CD226: variants seen among roughly 807,000 people sequenced by gnomAD.
The protein encoded by CD226 is CD226 molecule.
In CD226, 24 loss-of-function variants were observed where a neutral mutation model predicts 34.9. That is an observed-to-expected ratio of 0.69 (90% CI 0.50 to 0.97). CD226 has a LOEUF of 0.97. CD226 is among the 50% of genes least tolerant of loss of function. The probability of loss-of-function intolerance (pLI) is 0.00; values close to 1 mark genes in which losing one functional copy is unlikely to be tolerated. For missense variants in CD226, 397 were observed against 412.7 expected (o/e 0.96, Z 0.33); for synonymous variants, 148 against 147.4 (o/e 1.00, Z -0.03).
Position 69,947,152 on chromosome 18 carries a change from G to T in CD226, c.47-83C>A, listed in dbSNP as rs2055804123. 3 of 1,175,500 alleles carry T rather than the reference G, an allele frequency of 2.6e-6. No homozygotes were observed. The Admixed American group carries it at 5.9e-5, about 23-fold the overall frequency. 72.8% of individuals were successfully genotyped at this position (1,175,500 alleles called of 1,614,324 possible). On this transcript the variant is annotated intron_variant, in intron 1 of 5. Transcript: ENST00000582621. Reference sequence around the variant, plus strand: ...TATCTTAAGCTTTTGAAGACCTAGTGCATTGAGATCACAGTAAAGGCTGAC... The same window carrying T: ...TATCTTAAGCTTTTGAAGACCTAGTTCATTGAGATCACAGTAAAGGCTGAC...
chr18:69,896,428 A>T (rs535368107), intron 2 of CD226, among the ~76,000 whole-genome samples: 10 of 152,050 alleles, frequency 6.6e-5, no homozygotes, highest in African/African-American at 2.4e-5. Flanking sequence ...TGATCCGCCC[A>T]CCTCGGCCTC....
chr18:69,869,807 T>C (rs1983392907), intron 4 of CD226, among the ~76,000 whole-genome samples: 1 of 145,754 alleles, frequency 6.9e-6, no homozygotes, highest in Non-Finnish European at 1.5e-5. Flanking sequence ...TTCTTTTTTT[T>C]TTTTTTTTTT....
chr18:69,949,878 ACT>A (rs911848857), upstream of CD226, among the ~76,000 whole-genome samples: 6 of 151,722 alleles, frequency 4.0e-5, no homozygotes, highest in Non-Finnish European at 7.4e-5. Context: ...ACATATGCAC[ACT>A]GTCTCACTCT....
intron 1 of CD226, among the ~76,000 whole-genome samples, chr18:69,956,321 A>G (rs529096052): frequency 6.6e-6 from 1 of 152,230 alleles, no homozygotes; most frequent in Non-Finnish European, 1.5e-5. Flanking sequence ...GGCCCTTTAC[A>G]GAAAAAGTTT....
chr18:69,912,203 G>T (rs2055334488), intron 2 of CD226, among the ~76,000 whole-genome samples: 1 of 152,160 alleles, frequency 6.6e-6, no homozygotes, highest in African/African-American at 2.4e-5. Context: ...AACCCTAGAA[G>T]AAAACCTAGG....
intron 5 of CD226, among the ~76,000 whole-genome samples, chr18:69,866,050 G>T (rs540477525): frequency 6.6e-6 from 1 of 152,278 alleles, no homozygotes; most frequent in East Asian, 1.9e-4. Flanking sequence ...GGGCCTGCGG[G>T]CCTGTTTCTT....
intron 3 of CD226, among the ~76,000 whole-genome samples, chr18:69,879,390 A>G (rs1250739708): frequency 2.0e-5 from 3 of 151,994 alleles, no homozygotes; most frequent in African/African-American, 4.8e-5. Flanking sequence ...TCCTCCCCCC[A>G]GGAAAGCATT....
chr18:69,870,599 C>T (rs187033107), intron 4 of CD226, among the ~76,000 whole-genome samples: 95 of 152,218 alleles, frequency 6.2e-4, no homozygotes, highest in Admixed American at 1.6e-3. Flanking sequence ...TTCACACTTG[C>T]CAATGTGAGG....
intron 2 of CD226, among the ~76,000 whole-genome samples, chr18:69,907,083 T>C (rs937509387): frequency 8.5e-5 from 13 of 152,138 alleles, no homozygotes; most frequent in Admixed American, 7.9e-4. Flanking sequence ...TTCCCTAGAC[T>C]TCGCTGGATC....
intron 3 of CD226, among the ~76,000 whole-genome samples, chr18:69,888,205 A>C (rs1257025125): frequency 6.6e-6 from 1 of 152,206 alleles, no homozygotes. Context: ...GTAATTTTCT[A>C]CTTGCTTTTG....
At chr18:69,874,206 T>C (rs1236825076) in intron 3 of CD226, among the ~76,000 whole-genome samples, 1 of 152,212 alleles carries the variant, frequency 6.6e-6, no homozygotes. Context: ...CATCACAGAA[T>C]TGTGATGAGA....
At chr18:69,914,382 T>A (rs1214150938) in intron 2 of CD226, among the ~76,000 whole-genome samples, 1 of 152,204 alleles carries the variant, frequency 6.6e-6, no homozygotes, top group Non-Finnish European at 1.5e-5. Context: ...ACACCATATA[T>A]CAATTATTCC....
chr18:69,954,727 T>C (rs908084203), intron 1 of CD226, among the ~76,000 whole-genome samples: 1 of 151,866 alleles, frequency 6.6e-6, no homozygotes, highest in Non-Finnish European at 1.5e-5. Flanking sequence ...TGAAGAGAAC[T>C]TGTGTATTTG....
chr18:69,867,428 A>G lies in CD226; in HGVS notation c.831-17T>C. ...CTTCTCCTTCTGGAATGCATATTCA[A>G]TAAAGGATATAAAGATATGATATTC... is the stretch of plus-strand genomic sequence containing the variant. On this transcript the variant is annotated splice_polypyrimidine_tract_variant and intron_variant, in intron 4 of 5. Coordinates refer to ENST00000582621, the MANE Select transcript of CD226 (RefSeq NM_001303618.2). 7.0e-7 allele frequency: 1 copy of G among 1,428,816 alleles called. No individual in the cohort carries two copies. The highest frequency in any genetic ancestry group is 9.9e-7 in the Non-Finnish European group (1 of 1,011,438). 88.5% of individuals were successfully genotyped at this position (1,428,816 alleles called of 1,614,324 possible). A position where few individuals can be genotyped will look rare whatever the true frequency, so the allele number is the denominator to read the frequency against.
chr18:69,898,239 G>A (rs372655169), intron 2 of CD226, among the ~76,000 whole-genome samples: 1 of 152,178 alleles, frequency 6.6e-6, no homozygotes, highest in Admixed American at 6.5e-5. Flanking sequence ...ACTTTCATGT[G>A]AGCCCTTCTG....
At chr18:69,877,493 G>C (rs1221973639) in intron 3 of CD226, among the ~76,000 whole-genome samples, 1 of 152,098 alleles carries the variant, frequency 6.6e-6, no homozygotes, top group African/African-American at 2.4e-5. Context: ...TTGTAGAAAT[G>C]GGACTGGGCA....
Position 69,953,761 on chromosome 18 carries a change from A to G in CD226, c.-28+2994T>C, listed in dbSNP as rs567503474. Among the ~76,000 whole-genome samples, 9 of 152,266 alleles carry G rather than the reference A, an allele frequency of 5.9e-5. No homozygotes were observed. The South Asian group carries it at 1.9e-3, about 32-fold the overall frequency. The stretch of plus-strand genomic sequence containing the variant: ...ACACCTGTAATCCCAGTACTTTGGG[A>G]GGCCAAGGCAGGTGGATTGCTTGAG... On this transcript the variant is annotated intron_variant, in intron 1 of 6. Transcript: ENST00000280200.
At chr18:69,922,382 G>A (rs562725131) in intron 2 of CD226, among the ~76,000 whole-genome samples, 6 of 152,132 alleles carry the variant, frequency 3.9e-5, no homozygotes, top group Admixed American at 6.5e-5. Context: ...CCTGGGCACA[G>A]GCAGTCCTCC....
intron 2 of CD226, among the ~76,000 whole-genome samples, chr18:69,919,021 T>G (rs572733146): frequency 3.8e-4 from 57 of 151,928 alleles, no homozygotes; most frequent in African/African-American, 1.4e-3. Flanking sequence ...AATGGAAAGA[T>G]GAAGAAGTAT....
Sources: allele counts gnomAD v4.1 joint callset (sites outside exome capture counted in the v4.1 genomes callset), GRCh38; gene constraint gnomAD v4.1.1; transcripts MANE v1.5; gene names NCBI Gene and HGNC (gene_info 2026-07-23, HGNC 2026-07-21).